Variants in GLIS1 observed in about 807,000 individuals in gnomAD.
The protein encoded by GLIS1 is GLIS family zinc finger 1, also known as zinc finger protein GLIS1.
Under a neutral mutation model 63.8 loss-of-function variants are expected in GLIS1, and 24 were observed. The observed-to-expected ratio is 0.38, with a 90% confidence interval of 0.27 to 0.53. GLIS1 has a LOEUF of 0.53. Among genes scored for constraint, GLIS1 ranks in the 20% least tolerant of loss-of-function variants. The pLI is 0.85. For missense variants in GLIS1, 1,036 were observed against 1,074.1 expected (o/e 0.96, Z 0.50); for synonymous variants, 450 against 482.5 (o/e 0.93, Z 0.88).
At chr1:53,566,980 GA>G (rs2100454107) in intron 4 of GLIS1, among the ~76,000 whole-genome samples, 1 of 152,340 alleles carries the variant, frequency 6.6e-6, no homozygotes, top group East Asian at 1.9e-4. Context: ...AAAGATACCT[GA>G]AAATGTGGAA....
At chr1:53,567,249 G>T (rs58651777) in intron 4 of GLIS1, among the ~76,000 whole-genome samples, 3 of 152,150 alleles carry the variant, frequency 2.0e-5, no homozygotes, top group East Asian at 1.9e-4. Context: ...CCCTGCTCTA[G>T]GGATCTGTGG....
chr1:53,589,038 G>A (rs1238003753), intron 4 of GLIS1, among the ~76,000 whole-genome samples: 1 of 152,210 alleles, frequency 6.6e-6, no homozygotes, highest in African/African-American at 2.4e-5. Context: ...AGCAGATATG[G>A]TTGGTATCTA....
chr1:53,673,947 G>A (rs535525037), intron 2 of GLIS1, among the ~76,000 whole-genome samples: 7 of 152,214 alleles, frequency 4.6e-5, no homozygotes, highest in South Asian at 4.1e-4. Context: ...CGAGGTGGTC[G>A]GATGACTTGA....
chr1:53,645,659 A>AT (rs961620072), intron 2 of GLIS1, among the ~76,000 whole-genome samples: 3 of 152,218 alleles, frequency 2.0e-5, no homozygotes, highest in Non-Finnish European at 2.9e-5. Context: ...GGGCTATGCC[A>AT]TCTGTGCTAA....
At chr1:53,645,451 C>A (rs894275994) in intron 2 of GLIS1, among the ~76,000 whole-genome samples, 1 of 152,154 alleles carries the variant, frequency 6.6e-6, no homozygotes, top group African/African-American at 2.4e-5. Flanking sequence ...CCGAAGTCTA[C>A]AACAGTTGTG....
chr1:53,712,899 G>A (rs1303150725), intron 2 of GLIS1, among the ~76,000 whole-genome samples: 2 of 152,148 alleles, frequency 1.3e-5, no homozygotes, highest in African/African-American at 4.8e-5. Context: ...CAGGTAAAAG[G>A]AGCCCAAATG....
At chr1:53,506,834 G>A in intron 10 of GLIS1, 58 bp from the exon 11 acceptor site, 2 of 1,530,342 alleles carry the variant, frequency 1.3e-6, no homozygotes, top group Non-Finnish European at 1.8e-6. Flanking sequence ...GCCTGCGCAT[G>A]CTTCCCAGTT....
intron 2 of GLIS1, among the ~76,000 whole-genome samples, chr1:53,688,164 G>A (rs569496536): frequency 6.6e-6 from 1 of 152,246 alleles, no homozygotes; most frequent in African/African-American, 2.4e-5. Flanking sequence ...CCTGATTCAA[G>A]AAGAGCACCT....
intron 4 of GLIS1, among the ~76,000 whole-genome samples, chr1:53,533,935 C>CT (rs1469989828): frequency 1.2e-4 from 18 of 152,140 alleles, no homozygotes; most frequent in African/African-American, 3.9e-4. Flanking sequence ...GCAAGTATTA[C>CT]TGTCTCCACT....
intron 2 of GLIS1, among the ~76,000 whole-genome samples, chr1:53,713,494 G>A (rs1202690247): frequency 1.3e-5 from 2 of 150,252 alleles, no homozygotes; most frequent in Non-Finnish European, 3.0e-5. Flanking sequence ...TGGGCAAAAC[G>A]GTGAGCCCCT....
intron 2 of GLIS1, among the ~76,000 whole-genome samples, chr1:53,665,737 C>T (rs761067196): frequency 2.0e-5 from 3 of 152,150 alleles, no homozygotes; most frequent in Admixed American, 6.5e-5. Context: ...TGAGAAGCAG[C>T]TATCAAGGAG....
intron 4 of GLIS1, among the ~76,000 whole-genome samples, chr1:53,573,711 T>G (rs1234484472): frequency 6.6e-6 from 1 of 152,192 alleles, no homozygotes; most frequent in African/African-American, 2.4e-5. Flanking sequence ...CGCAGATGCA[T>G]GCACACATGG....
intron 2 of GLIS1, among the ~76,000 whole-genome samples, chr1:53,645,119 A>G (rs1447043307): frequency 1.3e-5 from 2 of 152,224 alleles, no homozygotes; most frequent in African/African-American, 4.8e-5. Flanking sequence ...TGCCAAGCAC[A>G]GTCTGGCCTC....
At chr1:53,601,370 T>C (rs1645316169) in intron 2 of GLIS1, among the ~76,000 whole-genome samples, 1 of 152,188 alleles carries the variant, frequency 6.6e-6, no homozygotes, top group Non-Finnish European at 1.5e-5. Context: ...ACTTCAACAA[T>C]TACAAAGTGC....
rs68190884 is a variant in GLIS1, at chr1:53,539,518, CCACA to C, written c.1321-9570_1321-9567del. Among the ~76,000 whole-genome samples, 54,758 of 145,214 alleles carry C rather than the reference CCACA, an allele frequency of 0.38. 10,296 individuals are homozygous for C. Among genetic ancestry groups the C allele is most frequent in the Admixed American group, 0.41 (5,992 of 14,620 alleles). ...ACACCCCCAACATACACACACCACACCACACACACACATACCACACGGTATACAC... is the reference window on the plus strand; with the variant it reads ...ACACCCCCAACATACACACACCACACCACACACATACCACACGGTATACAC... On this transcript the variant is annotated intron_variant, in intron 4 of 10. Coordinates refer to ENST00000628545, the MANE Select transcript of GLIS1 (RefSeq NM_001367484.1). The surrounding 1 kb of genome is among the most constrained non-coding windows in gnomAD (Gnocchi z 5.0).
At chr1:53,684,918 A>T (rs1646315808) in intron 2 of GLIS1, among the ~76,000 whole-genome samples, 1 of 151,606 alleles carries the variant, frequency 6.6e-6, no homozygotes. Flanking sequence ...CCTGAGCTGG[A>T]AACAGAGGAC....
intron 2 of GLIS1, among the ~76,000 whole-genome samples, chr1:53,729,927 G>A (rs1646842908): frequency 1.3e-5 from 2 of 152,188 alleles, no homozygotes; most frequent in South Asian, 4.1e-4. Context: ...AAAATGCAAA[G>A]GCAGTCTTGA....
At chr1:53,708,971 T>C (rs527737191) in intron 2 of GLIS1, among the ~76,000 whole-genome samples, 1 of 152,240 alleles carries the variant, frequency 6.6e-6, no homozygotes, top group Admixed American at 6.5e-5. Flanking sequence ...CACTAGAATG[T>C]ACACTCCATG....
intron 4 of GLIS1, among the ~76,000 whole-genome samples, chr1:53,545,037 G>A (rs1449331497): frequency 6.6e-6 from 1 of 152,208 alleles, no homozygotes; most frequent in African/African-American, 2.4e-5. Context: ...CCTTAGGGCA[G>A]GCTCTTCCTG....
Sources: gnomAD v4.1 joint callset for allele counts (sites outside exome capture counted in the v4.1 genomes callset) on GRCh38, gnomAD v4.1.1 for gene constraint, Gnocchi (gnomAD v3.1) non-coding constraint, MANE v1.5 for transcripts, NCBI Gene and HGNC (gene_info 2026-07-23, HGNC 2026-07-21) for gene names.